Variants in ZKSCAN5 observed in about 807,000 individuals in gnomAD.
The protein encoded by ZKSCAN5 is zinc finger with KRAB and SCAN domains 5, also known as zinc finger protein with KRAB and SCAN domains 5.
A neutral mutation model predicts 60.0 loss-of-function variants in ZKSCAN5; 28 were observed. The ratio of observed to expected loss-of-function variants is 0.47; its 90% CI spans 0.35 to 0.64. ZKSCAN5 has a LOEUF of 0.64. ZKSCAN5 is among the 30% of genes least tolerant of loss of function. The pLI is 0.01. For missense variants in ZKSCAN5, 881 were observed against 1,034.6 expected, an observed-to-expected ratio of 0.85 and a Z score of 2.04; for synonymous variants, 361 against 371.2, an observed-to-expected ratio of 0.97 and a Z score of 0.31.
chr7:99,519,752 G>A (rs1214234633), intron 3 of ZKSCAN5, 75 bp from the exon 4 acceptor site: 1 of 1,444,816 alleles, frequency 6.9e-7, no homozygotes, highest in Non-Finnish European at 9.6e-7. Flanking sequence ...GGATTCCTGA[G>A]CATAAGAGGA....
rs533817180 is a variant in ZKSCAN5, at chr7:99,526,485, C to T, written c.1378+67C>T. On this transcript the variant is annotated intron_variant, in intron 6 of 6. Transcript: ENST00000326775. The stretch of plus-strand genomic sequence containing the variant: ...AAAAGCAAAAGGTGTTTTATTAGTA[C>T]GGTACAACAGGACAGATGGGTGGTG... 4.5e-5 allele frequency: 70 copies of T among 1,545,884 alleles called. No homozygotes were observed. In the East Asian group the frequency reaches 7.0e-4, roughly 15 times the overall value.
chr7:99,524,356 G>C (rs911633419), intron 5 of ZKSCAN5, among the ~76,000 whole-genome samples: 53 of 152,114 alleles, frequency 3.5e-4, no homozygotes, highest in African/African-American at 1.3e-3. Flanking sequence ...TTACAGGCGT[G>C]AGCCACCACA....
In ZKSCAN5 at chr7:99,527,204, G is replaced by C. The variant is rs114461619; in HGVS notation, c.1378+786G>C. Among the ~76,000 whole-genome samples, 628 of 152,214 alleles carry C rather than the reference G, an allele frequency of 4.1e-3. 4 individuals are homozygous for C. Among genetic ancestry groups the C allele is most frequent in the African/African-American group, 0.014 (586 of 41,550 alleles). On this transcript the variant is annotated intron_variant, in intron 6 of 6. Coordinates refer to ENST00000326775, the MANE Select transcript of ZKSCAN5 (RefSeq NM_145102.4). ...AAATTACCTGGGCATGGTGGCATGT[G>C]CCTGTAGTTGCAGCTCCTCGGAAGG...
intron 5 of ZKSCAN5, among the ~76,000 whole-genome samples, chr7:99,524,940 G>A (rs1413236616): frequency 1.3e-5 from 2 of 151,806 alleles, no homozygotes; most frequent in African/African-American, 4.8e-5. Flanking sequence ...AGGCCGAGGC[G>A]GGCAGATCAC....
rs1801471664 is a variant in ZKSCAN5, at chr7:99,520,267, T to G, written c.735T>G (p.Asp245Glu). The part of the protein sequence containing the change: ...LDQSQKSLYR[D>E]DRKENYGSIT... The stretch of plus-strand genomic sequence containing the variant: ...AGTCCCAGAAGTCCCTTTATAGGGA[T>G]GACAGGAAGGAGAACTATGGGAGTA... Residue 245 changes from aspartate (D) to glutamate (E), a missense_variant, in exon 5 of 7, where the codon GAT (aspartate) becomes GAG (glutamate). Around this residue, in one of 5 missense-constraint regions of ZKSCAN5, gnomAD observed 490 missense variants for 554.5 expected, o/e 0.88. Coordinates refer to ENST00000326775, the MANE Select transcript of ZKSCAN5 (RefSeq NM_145102.4). The G allele has an allele frequency of 6.2e-7, 1 of 1,613,994 alleles. No homozygotes were observed. The highest frequency in any genetic ancestry group is 8.5e-7 in the Non-Finnish European group (1 of 1,180,016).
At chr7:99,505,984 G>T (rs1800704016) in intron 1 of ZKSCAN5, 21 bp from the exon 2 acceptor site, 1 of 1,563,930 alleles carries the variant, frequency 6.4e-7, no homozygotes. Flanking sequence ...ATATTAAAGA[G>T]CAGAAAAACA....
At chr7:99,525,199 C>T (rs992783901) in intron 5 of ZKSCAN5, among the ~76,000 whole-genome samples, 7 of 150,204 alleles carry the variant, frequency 4.7e-5, no homozygotes, top group Admixed American at 3.3e-4. Context: ...TGCCCAGTCG[C>T]GTTGGCTCAC....
intron 5 of ZKSCAN5, among the ~76,000 whole-genome samples, chr7:99,522,040 T>C (rs1011191126): frequency 2.6e-5 from 4 of 152,192 alleles, no homozygotes; most frequent in African/African-American, 9.6e-5. Context: ...TTTAAATGTG[T>C]AGTTTCTGAT....
chr7:99,511,795 ATT>A (rs879714117), intron 2 of ZKSCAN5, among the ~76,000 whole-genome samples: 1 of 128,156 alleles, frequency 7.8e-6, no homozygotes, highest in Non-Finnish European at 1.7e-5. Flanking sequence ...CTTCTCATCC[ATT>A]TTTTTTTTTT....
In ZKSCAN5 at chr7:99,531,407, C is replaced by G. The variant is rs1268135841; in HGVS notation, c.1678C>G (p.Gln560Glu). ...KCNECGKSFI[Q>E]SAHLIQHQRI... ...TAACGAGTGTGGGAAAAGCTTCATT[C>G]AGAGTGCACATCTTATTCAACATCA... The change falls in exon 7 of 7, where the codon CAG becomes GAG. Residue 560 changes from glutamine (Q) to glutamate (E), a missense_variant. Gln to Glu is a conservative substitution (Grantham distance 29, BLOSUM62 2). Transcript: ENST00000326775. 2 of 1,614,200 alleles carry G rather than the reference C, an allele frequency of 1.2e-6. No homozygotes were observed. The highest frequency in any genetic ancestry group is 1.7e-6 in the Non-Finnish European group (2 of 1,180,034).
In ZKSCAN5 at chr7:99,533,785, C is replaced by T. The variant is rs1462332600; in HGVS notation, c.*1536C>T. The T allele has an allele frequency of 1.3e-5, 5 of 396,980 alleles. No homozygotes were observed. Among genetic ancestry groups the T allele is most frequent in the African/African-American group, 1.0e-4 (5 of 48,624 alleles). 24.6% of individuals were successfully genotyped at this position (396,980 alleles called of 1,614,324 possible). On this transcript the variant is annotated 3_prime_UTR_variant, in exon 7 of 7. Coordinates refer to ENST00000326775, the MANE Select transcript of ZKSCAN5 (RefSeq NM_145102.4). ...TTCTCTATCCTGTTTCATTCCCTCC[C>T]TCAAAGGCGTTTCCCAAATAAATCA... is the stretch of plus-strand genomic sequence containing the variant.
chr7:99,531,400 C>G lies in ZKSCAN5; in HGVS notation c.1671C>G (p.Ser557Arg). The G allele has an allele frequency of 6.2e-7, 1 of 1,614,206 alleles. No individual in the cohort carries two copies. The highest frequency in any genetic ancestry group is 8.5e-7 in the Non-Finnish European group (1 of 1,180,050). The change falls in exon 7 of 7, where the codon AGC (serine) becomes AGG (arginine). Residue 557 changes from serine to arginine, a missense_variant. By Grantham distance (110) the Ser-to-Arg change is moderately radical (BLOSUM62 -1). This residue lies in a region of ZKSCAN5 where 490 missense variants were observed against 554.5 expected (regional missense o/e 0.88). Coordinates refer to ENST00000326775, the MANE Select transcript of ZKSCAN5 (RefSeq NM_145102.4). The stretch of plus-strand genomic sequence containing the variant: ...ATAAATGTAACGAGTGTGGGAAAAG[C>G]TTCATTCAGAGTGCACATCTTATTC... The part of the protein sequence containing the change: ...RPHKCNECGK[S>R]FIQSAHLIQH...
intron 5 of ZKSCAN5, among the ~76,000 whole-genome samples, chr7:99,522,726 A>G (rs1390221819): frequency 1.3e-5 from 2 of 151,758 alleles, no homozygotes; most frequent in Non-Finnish European, 2.9e-5. Flanking sequence ...ACCTCAGGTG[A>G]TCCAACCACC....
In ZKSCAN5 at chr7:99,506,168, A is replaced by C. The variant is rs754903550; in HGVS notation, c.124A>C (p.Asn42His). ...AGACTGCACCTGGATGCAGGAGTAC[A>C]ACCCGCCAACGTTTGAGACTTTTTA... ...EEDCTWMQEY[N>H]PPTFETFYQR... is the part of the protein sequence containing the mutation. Residue 42 changes from asparagine (N) to histidine (H), a missense_variant, in exon 2 of 7, where the codon AAC (asparagine) becomes CAC (histidine). Coordinates refer to ENST00000326775, the MANE Select transcript of ZKSCAN5 (RefSeq NM_145102.4). 2 of 1,614,192 alleles carry C rather than the reference A, an allele frequency of 1.2e-6. No individual in the cohort carries two copies. The highest frequency in any genetic ancestry group is 1.1e-5 in the South Asian group (1 of 91,090).
intron 2 of ZKSCAN5, among the ~76,000 whole-genome samples, chr7:99,510,925 G>T (rs1188426379): frequency 6.6e-6 from 1 of 151,994 alleles, no homozygotes; most frequent in Non-Finnish European, 1.5e-5. Flanking sequence ...TATATTTTTA[G>T]TAGAGGTGTG....
Position 99,506,139 on chromosome 7 carries a change from A to C in ZKSCAN5, c.95A>C (p.Glu32Ala). The C allele has an allele frequency of 6.2e-7, 1 of 1,614,186 alleles. No homozygotes were observed. The highest frequency in any genetic ancestry group is 8.5e-7 in the Non-Finnish European group (1 of 1,180,034). Residue 32 changes from glutamate (E) to alanine (A), a missense_variant, in exon 2 of 7, where the codon GAA becomes GCA. By Grantham distance (107) the Glu-to-Ala change is moderately radical (BLOSUM62 -1). Coordinates refer to ENST00000326775, the MANE Select transcript of ZKSCAN5 (RefSeq NM_145102.4). ...QEDLFIVKVE[E>A]EDCTWMQEYN... ...GACCTTTTCATAGTGAAGGTGGAAG[A>C]AGAAGACTGCACCTGGATGCAGGAG...
chr7:99,526,269 C>T lies in ZKSCAN5; in HGVS notation c.1229C>T (p.Ala410Val), dbSNP rs1801784688. 6.2e-7 allele frequency: 1 copy of T among 1,613,808 alleles called. No individual in the cohort carries two copies. The highest frequency in any genetic ancestry group is 2.2e-5 in the East Asian group (1 of 44,882). Reference protein sequence around the residue: ...KPYKCQVCGKAFRVSSHLVQH... With the variant: ...KPYKCQVCGKVFRVSSHLVQH... ...TACAAATGTCAGGTGTGCGGAAAGG[C>T]TTTCCGGGTGAGTTCCCACCTGGTT... Residue 410 changes from alanine (A) to valine (V), a missense_variant, in exon 6 of 7, where the codon GCT becomes GTT. Ala to Val is a moderately conservative substitution (Grantham distance 64). Around this residue, in one of 5 missense-constraint regions of ZKSCAN5, gnomAD observed 490 missense variants for 554.5 expected, o/e 0.88. Transcript: ENST00000326775.
chr7:99,522,476 C>A lies in ZKSCAN5; in HGVS notation c.772+2172C>A, dbSNP rs1584192015. ...GGATGGGTGGATTGTTTTTTGTTTC[C>A]CCTTTTTTTTTTTTTGAGACAGTGT... On this transcript the variant is annotated intron_variant, in intron 5 of 6. Transcript: ENST00000326775. 1.3e-5 allele frequency among the ~76,000 whole-genome samples: 2 copies of A among 151,028 alleles called. 1 individual carries two copies. The highest frequency in any genetic ancestry group is 4.2e-4 in the South Asian group (2 of 4,758).
At position 99,512,699 on chromosome 7, in the gene ZKSCAN5, A is replaced by G. The variant is rs912431998; in HGVS notation, c.553+108A>G. On this transcript the variant is annotated intron_variant, in intron 3 of 6. Transcript: ENST00000326775. ...AGACTCTAGGCTGAGCAGCCTCTCT[A>G]CAGCCTGCAGGGTCTAGAAGCAGGG... is the stretch of plus-strand genomic sequence containing the variant. 2.6e-5 allele frequency: 37 copies of G among 1,412,632 alleles called. No individual in the cohort carries two copies. In the African/African-American group the frequency reaches 3.6e-4, roughly 14 times the overall value. 87.5% of individuals were successfully genotyped at this position (1,412,632 alleles called of 1,614,324 possible).
Sources: allele counts gnomAD v4.1 joint callset (sites outside exome capture counted in the v4.1 genomes callset), GRCh38; gene constraint gnomAD v4.1.1; regional missense constraint gnomAD v4.1.1; transcripts MANE v1.5; gene names NCBI Gene and HGNC (gene_info 2026-07-23, HGNC 2026-07-21).